Variants in FLG observed in about 807,000 individuals in gnomAD.
The protein encoded by FLG is filaggrin, also known as epidermal filaggrin.
FLG carries 6 observed loss-of-function variants against 3.8 expected under a neutral mutation model. That is an observed-to-expected ratio of 1.60 (90% CI 0.87 to 3.15). The LOEUF (loss-of-function observed/expected upper bound fraction) is 3.15. Ranked by LOEUF, FLG falls within the 30% of genes most tolerant of loss-of-function variation. The probability of loss-of-function intolerance (pLI) is 0.00; values close to 1 mark genes in which losing one functional copy is unlikely to be tolerated. For synonymous variants in FLG, 2,551 were observed against 1,931.6 expected (o/e 1.32, Z -8.41); for missense variants, 7,595 against 5,050.9 (o/e 1.50, Z -15.27).
Position 152,312,760 on chromosome 1 carries a change from C to T in FLG, c.2126G>A (p.Gly709Glu), listed in dbSNP as rs1432707308. 1 of 1,613,928 alleles carries T rather than the reference C, an allele frequency of 6.2e-7. No individual in the cohort carries two copies. The highest frequency in any genetic ancestry group is 1.7e-5 in the Admixed American group (1 of 59,998). The change falls in exon 3 of 3, where the codon GGA (glycine) becomes GAA (glutamate). Residue 709 changes from glycine to glutamate, a missense_variant. Coordinates refer to ENST00000368799, the MANE Select transcript of FLG (RefSeq NM_002016.2). ...QARSSAGERH[G>E]SRHQLQSADS... ...TGCTGACTGGAGCTGGTGGCGGGAT[C>T]CATGTCTTTCTCCTGCACTTGATCT... is the stretch of plus-strand genomic sequence containing the variant.
rs771817033 is a variant in FLG at position 152,306,247 on chromosome 1, C to A, written c.8639G>T (p.Gly2880Val). 5.6e-6 allele frequency: 9 copies of A among 1,605,132 alleles called. No individual in the cohort carries two copies. Among genetic ancestry groups the A allele is most frequent in the African/African-American group, 1.5e-5 (1 of 66,184 alleles). Residue 2880 changes from glycine (G) to valine (V), a missense_variant, in exon 3 of 3, where the codon GGG becomes GTG. Transcript: ENST00000368799. ...TCCCTGGCGCCTGCTTCTCCTGGAC[C>A]CCTCTGATTGTCCCTGGACTGCCTG... ...HSQAVQGQSE[G>V]SRRSRRQGSS...
At chr1:152,319,546 CT>C (rs1333051604) in intron 1 of FLG, among the ~76,000 whole-genome samples, 1 of 151,408 alleles carries the variant, frequency 6.6e-6, no homozygotes, top group Admixed American at 6.6e-5. Context: ...AATAATAAAA[CT>C]GCTGAACATT....
In FLG at chr1:152,305,084, C is replaced by G. The variant is rs769328950; in HGVS notation, c.9802G>C (p.Ala3268Pro). The change falls in exon 3 of 3, where the codon GCA (alanine) becomes CCA (proline). Residue 3268 changes from alanine to proline, a missense_variant. Coordinates refer to ENST00000368799, the MANE Select transcript of FLG (RefSeq NM_002016.2). Reference protein sequence around the residue: ...HEDRAGHGHSADRSRQSGTRH... With the variant: ...HEDRAGHGHSPDRSRQSGTRH... Reference sequence around the variant, plus strand: ...GTGCCTGATTGTCTGGAGCGGTCTGCAGAGTGCCCGTGACCGGCTCTGTCT... The same window carrying G: ...GTGCCTGATTGTCTGGAGCGGTCTGGAGAGTGCCCGTGACCGGCTCTGTCT... The G allele has an allele frequency of 6.2e-7, 1 of 1,613,920 alleles. No individual in the cohort carries two copies. Among genetic ancestry groups the G allele is most frequent in the East Asian group, 2.2e-5 (1 of 44,844 alleles).
chr1:152,308,478 G>C lies in FLG; in HGVS notation c.6408C>G (p.Asp2136Glu). The C allele has an allele frequency of 6.2e-7, 1 of 1,613,718 alleles. No individual in the cohort carries two copies. The highest frequency in any genetic ancestry group is 8.5e-7 in the Non-Finnish European group (1 of 1,179,858). ...SRHSASQEGQ[D>E]TIRGHPGPSR... ...TTGGCCCCGGGTGTCCACGAATGGTGTCCTGACCCTCTTGGGATGCTGAGT... is the reference window on the plus strand; with the variant it reads ...TTGGCCCCGGGTGTCCACGAATGGTCTCCTGACCCTCTTGGGATGCTGAGT... Residue 2136 changes from aspartate (D) to glutamate (E), a missense_variant, in exon 3 of 3, where the codon GAC (aspartate) becomes GAG (glutamate). By Grantham distance (45) the Asp-to-Glu change is conservative (BLOSUM62 2). Coordinates refer to ENST00000368799, the MANE Select transcript of FLG (RefSeq NM_002016.2).
At chr1:152,323,520 T>G (rs890131986) in intron 1 of FLG, among the ~76,000 whole-genome samples, 1 of 151,622 alleles carries the variant, frequency 6.6e-6, no homozygotes, top group African/African-American at 2.4e-5. Context: ...AAATGGCCAA[T>G]AAACATATCA....
rs1652251668 is a variant in FLG, at chr1:152,309,682, GAC to G, written c.5202_5203del (p.Ala1736ProfsTer37). On this transcript the variant is annotated frameshift_variant, in exon 3 of 3. Coordinates refer to ENST00000368799, the MANE Select transcript of FLG (RefSeq NM_002016.2). LOFTEE classifies it low-confidence loss of function (END_TRUNC). ...ATGGGGCCCAGCCTGTCCGTGGGCT[GAC>G]ACTGACTGTGTGTCTGACTCTTCTG... 6.2e-7 allele frequency: 1 copy of G among 1,613,928 alleles called. No homozygotes were observed. The highest frequency in any genetic ancestry group is 8.5e-7 in the Non-Finnish European group (1 of 1,180,024).
In FLG at chr1:152,309,249, C is replaced by T. The variant is rs768957286; in HGVS notation, c.5637G>A (p.Arg1879=). ...CTTCATGGTGACGCGACCCTGAGTG[C>T]CTGGAGCCGTCTCCTGATTGTTTCT... ...RNEKQSGDGS[R]HSGSRHHEAS... The change falls in exon 3 of 3, where the codon AGG becomes AGA. Residue 1879 remains arginine (R), a synonymous_variant. Transcript: ENST00000368799. 5.0e-6 allele frequency: 8 copies of T among 1,613,588 alleles called. No individual in the cohort carries two copies. The highest frequency in any genetic ancestry group is 4.0e-5 in the African/African-American group (3 of 74,876).
chr1:152,303,134 C>A lies in FLG; in HGVS notation c.11752G>T (p.Val3918Leu). The change falls in exon 3 of 3, where the codon GTA becomes TTA. Residue 3918 changes from valine to leucine, a missense_variant. By Grantham distance (32) the Val-to-Leu change is conservative. Coordinates refer to ENST00000368799, the MANE Select transcript of FLG (RefSeq NM_002016.2). ...TTAGCGGTACTAGAGTCTGACTGTA[C>A]AGGTGAAGACTGTACATGACTGGCT... is the stretch of plus-strand genomic sequence containing the variant. ...DTASHVQSSP[V>L]QSDSSTAKEH... 1 of 1,614,188 alleles carries A rather than the reference C, an allele frequency of 6.2e-7. No individual in the cohort carries two copies. Among genetic ancestry groups the A allele is most frequent in the Non-Finnish European group, 8.5e-7 (1 of 1,180,038 alleles).
intron 1 of FLG, among the ~76,000 whole-genome samples, chr1:152,321,104 G>A (rs1044735614): frequency 6.7e-5 from 10 of 150,006 alleles, no homozygotes; most frequent in African/African-American, 2.4e-4. Flanking sequence ...ACATATATAT[G>A]TATATAAACA....
At position 152,309,361 on chromosome 1, in the gene FLG, T is replaced by C; in HGVS notation, c.5525A>G (p.His1842Arg). ...SVDSSGHSGSHHSHTTSQERS... is the reference protein window; with the variant it reads ...SVDSSGHSGSRHSHTTSQERS... ...TTCCTGGGACGTGGTGTGGCTGTGA[T>C]GAGACCCTGAGTGTCCAGAACTATC... Residue 1842 changes from histidine to arginine, a missense_variant, in exon 3 of 3, where the codon CAT (histidine) becomes CGT (arginine). His to Arg is a conservative substitution (Grantham distance 29). Transcript: ENST00000368799. 1 of 1,613,676 alleles carries C rather than the reference T, an allele frequency of 6.2e-7. No homozygotes were observed.
At position 152,313,385 on chromosome 1, in the gene FLG, G is replaced by T. The variant is rs61816761; in HGVS notation, c.1501C>A (p.Arg501=). 6 of 1,613,192 alleles carry T rather than the reference G, an allele frequency of 3.7e-6. No individual in the cohort carries two copies. In the East Asian group the frequency reaches 8.9e-5, roughly 24 times the overall value. The change falls in exon 3 of 3, where the codon CGA becomes AGA. Residue 501 remains arginine (R), a synonymous_variant. Coordinates refer to ENST00000368799, the MANE Select transcript of FLG (RefSeq NM_002016.2). ...GRQGSHHEQA[R]DSSRHSASQE... ...GACGCTGAATGCCTGGAGCTGTCTCGTGCCTGCTCGTGGTGCGATCCTTGT... is the reference window on the plus strand; with the variant it reads ...GACGCTGAATGCCTGGAGCTGTCTCTTGCCTGCTCGTGGTGCGATCCTTGT...
In FLG at chr1:152,309,749, C is replaced by A; in HGVS notation, c.5137G>T (p.Gly1713Trp). The change falls in exon 3 of 3, where the codon GGG becomes TGG. Residue 1713 changes from glycine to tryptophan, a missense_variant. Physicochemically the swap from Gly to Trp is radical, Grantham distance 184. Coordinates refer to ENST00000368799, the MANE Select transcript of FLG (RefSeq NM_002016.2). ...SSVVGDSGNR[G>W]SSGSQASDSE... ...TCACTGGCCTGGCTACCACTGGACC[C>A]TCGGTTTCCACTGTCTCCGACTACA... 6.2e-7 allele frequency: 1 copy of A among 1,614,072 alleles called. No homozygotes were observed. The highest frequency in any genetic ancestry group is 8.5e-7 in the Non-Finnish European group (1 of 1,180,008).
chr1:152,325,152 A>T (rs1164910002), intron 1 of FLG, 37 bp downstream of exon 1: 1 of 151,944 alleles, frequency 6.6e-6, no homozygotes, highest in Non-Finnish European at 1.5e-5. Context: ...ACCTTGGTTA[A>T]TAGTAAGTAG....
At chr1:152,322,383 ATAGC>A (rs1033880170) in intron 1 of FLG, among the ~76,000 whole-genome samples, 68 of 151,422 alleles carry the variant, frequency 4.5e-4, no homozygotes, top group African/African-American at 1.5e-3. Context: ...AAAAGAATGT[ATAGC>A]TAAACTATTA....
rs538187914 is a variant in FLG at position 152,312,115 on chromosome 1, C to A, written c.2771G>T (p.Arg924Ile). Reference protein sequence around the residue: ...HEASSHADISRHSQAGQGQSE... With the variant: ...HEASSHADISIHSQAGQGQSE... ...TTGTCCCTGGCCTGCCTGTGAGTGTCTAGAGATGTCGGCATGAGAGGAAGC... is the reference window on the plus strand; with the variant it reads ...TTGTCCCTGGCCTGCCTGTGAGTGTATAGAGATGTCGGCATGAGAGGAAGC... The change falls in exon 3 of 3, where the codon AGA (arginine) becomes ATA (isoleucine). Residue 924 changes from arginine (R) to isoleucine (I), a missense_variant. Physicochemically the swap from Arg to Ile is moderately conservative, Grantham distance 97. Coordinates refer to ENST00000368799, the MANE Select transcript of FLG (RefSeq NM_002016.2). 25 of 1,614,108 alleles carry A rather than the reference C, an allele frequency of 1.5e-5. No homozygotes were observed. The Admixed American group carries it at 4.0e-4, about 26-fold the overall frequency.
chr1:152,318,374 T>A (rs1652854363), intron 1 of FLG, among the ~76,000 whole-genome samples: 1 of 151,992 alleles, frequency 6.6e-6, no homozygotes, highest in South Asian at 2.1e-4. Context: ...TTACTTAATC[T>A]CTTGGTATGT....
At position 152,303,272 on chromosome 1, in the gene FLG, A is replaced by T; in HGVS notation, c.11614T>A (p.Tyr3872Asn). Residue 3872 changes from tyrosine (Y) to asparagine (N), a missense_variant, in exon 3 of 3, where the codon TAC becomes AAC. By Grantham distance (143) the Tyr-to-Asn change is moderately radical. Transcript: ENST00000368799. Reference sequence around the variant, plus strand: ...GATCGCCTCTCAGAGTCCTCTGGGTATGCCTCACTGTCACTGTCCTGGCTA... The same window carrying T: ...GATCGCCTCTCAGAGTCCTCTGGGTTTGCCTCACTGTCACTGTCCTGGCTA... ...SVSQDSDSEAYPEDSERRSES... is the reference protein window; with the variant it reads ...SVSQDSDSEANPEDSERRSES... 1 of 1,613,794 alleles carries T rather than the reference A, an allele frequency of 6.2e-7. No individual in the cohort carries two copies. The highest frequency in any genetic ancestry group is 2.2e-5 in the East Asian group (1 of 44,872).
In FLG at chr1:152,309,736, C is replaced by G. The variant is rs566605786; in HGVS notation, c.5150G>C (p.Ser1717Thr). ...GTGTCCCTCGCTGTCACTGGCCTGGCTACCACTGGACCCTCGGTTTCCACT... is the reference window on the plus strand; with the variant it reads ...GTGTCCCTCGCTGTCACTGGCCTGGGTACCACTGGACCCTCGGTTTCCACT... ...GDSGNRGSSG[S>T]QASDSEGHSE... The change falls in exon 3 of 3, where the codon AGC becomes ACC. Residue 1717 changes from serine to threonine, a missense_variant. Physicochemically the swap from Ser to Thr is moderately conservative, Grantham distance 58. Transcript: ENST00000368799. 5.8e-5 allele frequency: 93 copies of G among 1,614,120 alleles called. No homozygotes were observed. In the South Asian group the frequency reaches 9.1e-4, roughly 16 times the overall value.
chr1:152,309,030 A>G lies in FLG; in HGVS notation c.5856T>C (p.Asp1952=), dbSNP rs759948956. The G allele has an allele frequency of 3.1e-6, 5 of 1,614,144 alleles. No homozygotes were observed. Among genetic ancestry groups the G allele is most frequent in the Middle Eastern group, 1.6e-4 (1 of 6,062 alleles). The change falls in exon 3 of 3, where the codon GAT becomes GAC. Residue 1952 remains aspartate (D), a synonymous_variant. Coordinates refer to ENST00000368799, the MANE Select transcript of FLG (RefSeq NM_002016.2). ...HLGSAWEQSR[D]GSRHPGSHHE... The stretch of plus-strand genomic sequence containing the variant: ...GATGGGACCCAGGGTGTCTGGAGCC[A>G]TCTCTTGACTGCTCCCAAGCAGATC...
Sources: allele counts gnomAD v4.1 joint callset (sites outside exome capture counted in the v4.1 genomes callset), GRCh38; gene constraint gnomAD v4.1.1; transcripts MANE v1.5; gene names NCBI Gene and HGNC (gene_info 2026-07-23, HGNC 2026-07-21).